The following FRMD4B variants were observed in gnomAD, a reference collection of about 807,000 sequenced individuals.
The protein encoded by FRMD4B is FERM domain containing 4B.
Under a neutral mutation model 141.5 loss-of-function variants are expected in FRMD4B, and 74 were observed. That is an observed-to-expected ratio of 0.52 (90% confidence interval 0.43 to 0.63). The LOEUF (loss-of-function observed/expected upper bound fraction) is 0.63. Ranked by LOEUF, FRMD4B falls within the 30% of genes least tolerant of loss-of-function variation. The pLI, the probability that FRMD4B is intolerant of heterozygous loss-of-function variation, is 0.00. For synonymous variants in FRMD4B, 506 were observed against 467.9 expected (o/e 1.08, Z -1.05); for missense variants, 1,366 against 1,253.4 (o/e 1.09, Z -1.36).
intron 1 of FRMD4B, among the ~76,000 whole-genome samples, chr3:69,504,064 A>G (rs1349345582): frequency 6.6e-6 from 1 of 152,224 alleles, no homozygotes; most frequent in East Asian, 1.9e-4. Flanking sequence ...AGGATCATAT[A>G]CAATCACTGT....
chr3:69,332,813 C>G (rs547329283), intron 1 of FRMD4B, among the ~76,000 whole-genome samples: 1 of 139,644 alleles, frequency 7.2e-6, no homozygotes, highest in African/African-American at 2.8e-5. Flanking sequence ...TTCTCAAACT[C>G]CTGGGCTCCA....
At chr3:69,450,251 C>T (rs1705473518) in intron 1 of FRMD4B, among the ~76,000 whole-genome samples, 1 of 152,184 alleles carries the variant, frequency 6.6e-6, no homozygotes, top group Admixed American at 6.5e-5. Context: ...GGCCAAATGT[C>T]GTGGCTCTTG....
At chr3:69,246,401 A>C (rs2093426127) in intron 7 of FRMD4B, among the ~76,000 whole-genome samples, 1 of 152,170 alleles carries the variant, frequency 6.6e-6, no homozygotes, top group East Asian at 1.9e-4. Flanking sequence ...GTTATAGTGA[A>C]CTAAGATCAT....
chr3:69,288,247 C>T (rs1700757675), intron 4 of FRMD4B, among the ~76,000 whole-genome samples: 1 of 152,262 alleles, frequency 6.6e-6, no homozygotes, highest in African/African-American at 2.4e-5. Flanking sequence ...AACCGAACCC[C>T]AAAGCCTGCT....
intron 1 of FRMD4B, among the ~76,000 whole-genome samples, chr3:69,493,432 T>C (rs1037501785): frequency 6.6e-6 from 1 of 152,148 alleles, no homozygotes; most frequent in African/African-American, 2.4e-5. Flanking sequence ...TTTAAAAAAA[T>C]ATATTTTGCT....
At chr3:69,211,624 A>G (rs1259359892) in intron 11 of FRMD4B, among the ~76,000 whole-genome samples, 1 of 152,218 alleles carries the variant, frequency 6.6e-6, no homozygotes, top group African/African-American at 2.4e-5. Context: ...ACTTATTCTC[A>G]GTAAATTTCC....
At chr3:69,330,997 T>C (rs1423548982) in intron 1 of FRMD4B, among the ~76,000 whole-genome samples, 1 of 152,222 alleles carries the variant, frequency 6.6e-6, no homozygotes, top group Non-Finnish European at 1.5e-5. Flanking sequence ...TGCTCTATTC[T>C]AATCTCAGTT....
At chr3:69,503,280 C>A (rs1344044205) in intron 1 of FRMD4B, among the ~76,000 whole-genome samples, 3 of 152,004 alleles carry the variant, frequency 2.0e-5, no homozygotes, top group Non-Finnish European at 4.4e-5. Context: ...GACTTGGAAC[C>A]AACTCAAATG....
Position 69,216,317 on chromosome 3 carries a change from T to A in FRMD4B, c.822A>T (p.Ile274=), listed in dbSNP as rs1003389915. Residue 274 remains isoleucine, a synonymous_variant, in exon 11 of 23, where the codon ATA becomes ATT. Coordinates refer to ENST00000398540, the MANE Select transcript of FRMD4B (RefSeq NM_015123.3). ...CATATTGGCCAATTCCCTTATAGCTTATTCCAAGCCACCAAGGAAGTCCTT... is the reference window on the plus strand; with the variant it reads ...CATATTGGCCAATTCCCTTATAGCTAATTCCAAGCCACCAAGGAAGTCCTT... The part of the protein sequence containing the change: ...DKQGLPWWLG[I]SYKGIGQYDI... The A allele has an allele frequency of 5.7e-6, 9 of 1,576,998 alleles. No homozygotes were observed. Among genetic ancestry groups the A allele is most frequent in the Non-Finnish European group, 7.8e-6 (9 of 1,155,770 alleles).
At chr3:69,220,951 A>C in intron 9 of FRMD4B, among the ~76,000 whole-genome samples, 1 of 151,420 alleles carries the variant, frequency 6.6e-6, no homozygotes, top group Admixed American at 6.6e-5. Flanking sequence ...TAATTTTAAA[A>C]GTTTAGTGTA....
chr3:69,408,642 G>C (rs996116598), intron 2 of FRMD4B, among the ~76,000 whole-genome samples: 1 of 152,146 alleles, frequency 6.6e-6, no homozygotes, highest in Non-Finnish European at 1.5e-5. Context: ...GCACTGCCTG[G>C]GCAGGCAGGG....
intron 1 of FRMD4B, among the ~76,000 whole-genome samples, chr3:69,514,122 T>C (rs1475128889): frequency 6.6e-6 from 1 of 152,126 alleles, no homozygotes; most frequent in East Asian, 1.9e-4. Context: ...TGGTCTCTGA[T>C]CACAGATGAC....
intron 1 of FRMD4B, among the ~76,000 whole-genome samples, chr3:69,327,942 C>A (rs1256257095): frequency 1.3e-5 from 2 of 152,170 alleles, no homozygotes; most frequent in Non-Finnish European, 2.9e-5. Flanking sequence ...GATTCAGACT[C>A]TTTTTGAAGC....
At chr3:69,469,634 G>A (rs1705854906) in intron 1 of FRMD4B, among the ~76,000 whole-genome samples, 1 of 152,126 alleles carries the variant, frequency 6.6e-6, no homozygotes, top group Non-Finnish European at 1.5e-5. Context: ...CTGGTCACCA[G>A]AATCCCATAG....
intron 3 of FRMD4B, chr3:69,306,436 T>C (rs1701393083): frequency 6.6e-6 from 1 of 152,198 alleles, no homozygotes; most frequent in East Asian, 1.9e-4. Context: ...AAACAAAGCT[T>C]ATTTAGCAAA....
At chr3:69,420,758 T>C (rs765464360) in intron 2 of FRMD4B, among the ~76,000 whole-genome samples, 1 of 152,176 alleles carries the variant, frequency 6.6e-6, no homozygotes, top group Non-Finnish European at 1.5e-5. Context: ...TAGTCTACTT[T>C]TACTCTGGCC....
At chr3:69,191,029 T>G (rs2092829950) in intron 17 of FRMD4B, among the ~76,000 whole-genome samples, 1 of 152,164 alleles carries the variant, frequency 6.6e-6, no homozygotes, top group South Asian at 2.1e-4. Flanking sequence ...TGACAAATGC[T>G]CAGTAAATGT....
chr3:69,431,234 T>G (rs1705173609), intron 2 of FRMD4B, among the ~76,000 whole-genome samples: 2 of 152,228 alleles, frequency 1.3e-5, no homozygotes. Flanking sequence ...AGAAAAGTAC[T>G]GCATCATTTA....
chr3:69,521,889 G>A (rs749376233), intron 1 of FRMD4B, among the ~76,000 whole-genome samples: 5 of 152,044 alleles, frequency 3.3e-5, no homozygotes, highest in East Asian at 1.9e-4. Flanking sequence ...ACCTCCCCAC[G>A]TTGCACCCTC....
Sources: allele counts gnomAD v4.1 joint callset (sites outside exome capture counted in the v4.1 genomes callset), GRCh38; gene constraint gnomAD v4.1.1; transcripts MANE v1.5; gene names NCBI Gene and HGNC (gene_info 2026-07-23, HGNC 2026-07-21).